UBIAD1: variants seen among roughly 807,000 people sequenced by gnomAD.
UBIAD1 encodes the protein UbiA prenyltransferase domain containing 1.
In UBIAD1, 12 loss-of-function variants were observed where a neutral mutation model predicts 20.1. The ratio of observed to expected loss-of-function variants is 0.60; its 90% CI spans 0.38 to 0.97. The LOEUF is 0.97. Ranked by LOEUF, UBIAD1 falls within the 50% of genes least tolerant of loss-of-function variation. UBIAD1 has a pLI of 0.00. For missense variants in UBIAD1, 333 were observed against 419.5 expected (o/e 0.79, Z 1.80); for synonymous variants, 207 against 189.2 (o/e 1.09, Z -0.77).
intron 1 of UBIAD1, among the ~76,000 whole-genome samples, chr1:11,276,040 C>T (rs1652013284): frequency 6.6e-6 from 1 of 152,092 alleles, no homozygotes; most frequent in Non-Finnish European, 1.5e-5. Flanking sequence ...GGAGCCACTG[C>T]AGGACTTTGA....
In UBIAD1 at chr1:11,286,258, A is replaced by G. The variant is rs1167090701; in HGVS notation, c.*127A>G. The G allele has an allele frequency of 7.8e-7, 1 of 1,280,214 alleles. No individual in the cohort carries two copies. Among genetic ancestry groups the G allele is most frequent in the Non-Finnish European group, 1.1e-6 (1 of 917,588 alleles). 79.3% of individuals were successfully genotyped at this position (1,280,214 alleles called of 1,614,324 possible). On this transcript the variant is annotated 3_prime_UTR_variant, in exon 2 of 2. Transcript: ENST00000376810. ...CATGGGTGGGAACTCCTGCCTTATA[A>G]AAATTGTTTTTGTGTTCTTAAAGAT... is the stretch of plus-strand genomic sequence containing the variant.
chr1:11,275,950 A>C (rs773709681), intron 1 of UBIAD1, among the ~76,000 whole-genome samples: 3 of 152,144 alleles, frequency 2.0e-5, no homozygotes, highest in Non-Finnish European at 2.9e-5. Flanking sequence ...AAGTAAGAGA[A>C]GTACGTTTGG....
intron 1 of UBIAD1, among the ~76,000 whole-genome samples, chr1:11,283,444 G>C: frequency 6.6e-6 from 1 of 152,008 alleles, no homozygotes; most frequent in East Asian, 1.9e-4. Context: ...TGGAGCTCGT[G>C]CTCTGCTTGA....
At chr1:11,288,582 T>C (rs1227542912), downstream of UBIAD1, 1 of 152,110 alleles carries the variant, frequency 6.6e-6, no homozygotes, top group Non-Finnish European at 1.5e-5. Flanking sequence ...TGAGTTTGGG[T>C]AGGGTTTGAC....
chr1:11,275,981 C>CACGGATT (rs961021209), intron 1 of UBIAD1, among the ~76,000 whole-genome samples: 2 of 152,138 alleles, frequency 1.3e-5, no homozygotes, highest in African/African-American at 4.8e-5. Context: ...GAGGCACACA[C>CACGGATT]ACGGATTATA....
At chr1:11,275,406 T>C (rs1029860471) in intron 1 of UBIAD1, among the ~76,000 whole-genome samples, 1 of 152,092 alleles carries the variant, frequency 6.6e-6, no homozygotes, top group African/African-American at 2.4e-5. Flanking sequence ...GGGACACAGA[T>C]TACTATTTTA....
intron 1 of UBIAD1, among the ~76,000 whole-genome samples, chr1:11,276,275 G>A (rs183268305): frequency 8.9e-4 from 134 of 149,780 alleles, no homozygotes; most frequent in African/African-American, 3.3e-3. Flanking sequence ...GTTTGCTGAT[G>A]GATTGGATGT....
At position 11,273,253 on chromosome 1, in the gene UBIAD1, A is replaced by G; in HGVS notation, c.-279A>G. ...ACAAGATGGCGGCTCTGGCGGCCTA[A>G]AGAAGGCGGCCGCGGCTCAGCCGTG... is the stretch of plus-strand genomic sequence containing the variant. On this transcript the variant is annotated 5_prime_UTR_variant, in exon 1 of 2. An upstream open reading frame in the 5' UTR loses its in-frame stop. Transcript: ENST00000376810. The surrounding 1 kb of genome is among the most constrained non-coding windows in gnomAD (Gnocchi z 4.9). 2.1e-6 allele frequency: 1 copy of G among 467,436 alleles called. No individual in the cohort carries two copies. Among genetic ancestry groups the G allele is most frequent in the Non-Finnish European group, 3.9e-6 (1 of 257,984 alleles). The allele number at this position is 467,436 out of a possible 1,614,324, so 29.0% of individuals were successfully genotyped here.
chr1:11,294,656 C>T (rs1031636562), intron 1 of UBIAD1, among the ~76,000 whole-genome samples: 1 of 152,164 alleles, frequency 6.6e-6, no homozygotes, highest in East Asian at 1.9e-4. Flanking sequence ...CTACCAACAC[C>T]CCCAGGGGCC....
chr1:11,282,681 GCCTCCC>G lies in UBIAD1; in HGVS notation c.530-2962_530-2957del, dbSNP rs1402819101. 3.3e-5 allele frequency among the ~76,000 whole-genome samples: 5 copies of G among 150,616 alleles called. No homozygotes were observed. The Admixed American group carries it at 3.3e-4, about 10-fold the overall frequency. On this transcript the variant is annotated intron_variant, in intron 1 of 1. Transcript: ENST00000376810. ...TGGTTCAAGCGATTCTCCTGCCTCA[GCCTCCC>G]GAGTAGCTGGGATTACAGGCGTGCA...
intron 1 of UBIAD1, among the ~76,000 whole-genome samples, chr1:11,282,040 C>A (rs115977888): frequency 6.6e-6 from 1 of 152,132 alleles, no homozygotes; most frequent in Non-Finnish European, 1.5e-5. Context: ...TTGGCTATTA[C>A]GTCTGAACAT....
chr1:11,273,581 A>C lies in UBIAD1; in HGVS notation c.50A>C (p.Glu17Ala). Residue 17 changes from glutamate (E) to alanine (A), a missense_variant, in exon 1 of 2, where the codon GAG (glutamate) becomes GCG (alanine). By Grantham distance (107) the Glu-to-Ala change is moderately radical (BLOSUM62 -1). Coordinates refer to ENST00000376810, the MANE Select transcript of UBIAD1 (RefSeq NM_013319.3). The surrounding 1 kb of genome is among the most constrained non-coding windows in gnomAD (Gnocchi z 4.9). ...GAGAAGATTAACATCCTGTCGGGAG[A>C]GACTGTCAAAGCTGGGGACAGGGAC... ...LGEKINILSG[E>A]TVKAGDRDPL... 6.2e-7 allele frequency: 1 copy of C among 1,613,490 alleles called. No homozygotes were observed. The highest frequency in any genetic ancestry group is 8.5e-7 in the Non-Finnish European group (1 of 1,179,994).
At position 11,285,973 on chromosome 1, in the gene UBIAD1, CT is replaced by C; in HGVS notation, c.860del (p.Leu287ArgfsTer70). ...THCTISLALPLLTIPMAFSLE... is the reference protein window; with the variant it reads ...THCTISLALPXLTIPMAFSLE... Reference sequence around the variant, plus strand: ...CTGCACCATCAGCCTGGCACTCCCCCTGCTTACCATTCCCATGGCCTTCTCC... The same window carrying C: ...CTGCACCATCAGCCTGGCACTCCCCCGCTTACCATTCCCATGGCCTTCTCC... On this transcript the variant is annotated frameshift_variant, in exon 2 of 2. Transcript: ENST00000376810. LOFTEE classifies it high-confidence loss of function. This position sits in a 1 kb window ranked among gnomAD's most constrained non-coding sequence, Gnocchi z 4.4. 1.9e-6 allele frequency: 3 copies of C among 1,614,264 alleles called. No individual in the cohort carries two copies. The South Asian group carries it at 3.3e-5, about 18-fold the overall frequency.
At chr1:11,282,289 G>A (rs917550972) in intron 1 of UBIAD1, among the ~76,000 whole-genome samples, 1 of 152,138 alleles carries the variant, frequency 6.6e-6, no homozygotes, top group Admixed American at 6.6e-5. Flanking sequence ...GTGGAGAACC[G>A]GCCCAGTATT....
At chr1:11,297,316 C>T (rs941393644), downstream of UBIAD1, among the ~76,000 whole-genome samples, 2 of 152,208 alleles carry the variant, frequency 1.3e-5, no homozygotes, top group Non-Finnish European at 2.9e-5. Flanking sequence ...CTCCTTCCTC[C>T]ATGGGAGGAC....
downstream of UBIAD1, among the ~76,000 whole-genome samples, chr1:11,291,089 A>C (rs1638359164): frequency 6.6e-6 from 1 of 152,232 alleles, no homozygotes; most frequent in South Asian, 2.1e-4. Flanking sequence ...ATTTAATATG[A>C]TCTGAGCTAG....
At chr1:11,297,472 C>A (rs1416356833), downstream of UBIAD1, among the ~76,000 whole-genome samples, 1 of 150,834 alleles carries the variant, frequency 6.6e-6, no homozygotes, top group African/African-American at 2.5e-5. Flanking sequence ...GCTATAGTAG[C>A]CTGAATGGCA....
rs188655571 is a variant in UBIAD1, at chr1:11,285,153, G to A, written c.530-491G>A. The stretch of plus-strand genomic sequence containing the variant: ...CCCGAAATTTCACTGAAATTCACTG[G>A]CCGTTTTTAAAACCAGAAGATGCCT... On this transcript the variant is annotated intron_variant, in intron 1 of 1. Transcript: ENST00000376810. The surrounding 1 kb of genome is among the most constrained non-coding windows in gnomAD (Gnocchi z 4.4). 4.5e-4 allele frequency among the ~76,000 whole-genome samples: 68 copies of A among 152,284 alleles called. No individual in the cohort carries two copies. In the South Asian group the frequency reaches 8.1e-3, roughly 18 times the overall value.
Position 11,285,563 on chromosome 1 carries a change from T to C in UBIAD1, c.530-81T>C, listed in dbSNP as rs140969347. On this transcript the variant is annotated intron_variant, in intron 1 of 1. Coordinates refer to ENST00000376810, the MANE Select transcript of UBIAD1 (RefSeq NM_013319.3). This position sits in a 1 kb window ranked among gnomAD's most constrained non-coding sequence, Gnocchi z 4.4. ...AGGATTTACCATTTTCAGCCGGAAG[T>C]GGCCTGCCTCTTCACTGGTGAACAG... 186 of 1,602,544 alleles carry C rather than the reference T, an allele frequency of 1.2e-4. No individual in the cohort carries two copies. The highest frequency in any genetic ancestry group is 3.3e-4 in the Middle Eastern group (2 of 6,032).
Sources: allele counts gnomAD v4.1 joint callset (sites outside exome capture counted in the v4.1 genomes callset), GRCh38; gene constraint gnomAD v4.1.1; non-coding constraint Gnocchi (gnomAD v3.1); transcripts MANE v1.5; gene names NCBI Gene and HGNC (gene_info 2026-07-23, HGNC 2026-07-21).